Variants in WDR17 observed in about 807,000 individuals in gnomAD.
WDR17 encodes the protein WD repeat-containing protein 17.
Under a neutral mutation model 161.7 loss-of-function variants are expected in WDR17, and 143 were observed. The ratio of observed to expected loss-of-function variants is 0.88; its 90% CI spans 0.77 to 1.02. The LOEUF (loss-of-function observed/expected upper bound fraction) is 1.02, where lower values mean the gene tolerates loss of function less well. Ranked by LOEUF, WDR17 falls within the 50% of genes least tolerant of loss-of-function variation. The probability of loss-of-function intolerance (pLI) is 0.00; values close to 1 mark genes in which losing one functional copy is unlikely to be tolerated. For synonymous variants in WDR17, 517 were observed against 515.6 expected, an observed-to-expected ratio of 1.00 and a Z score of -0.04; for missense variants, 1,469 against 1,520.9, an observed-to-expected ratio of 0.97 and a Z score of 0.57.
At chr4:176,120,302 A>ATATATT (rs1395845396) in intron 4 of WDR17, among the ~76,000 whole-genome samples, 2 of 76,336 alleles carry the variant, frequency 2.6e-5, no homozygotes, top group Non-Finnish European at 5.7e-5. Context: ...ATATATATAT[A>ATATATT]TATATATATA....
chr4:176,173,283 A>T lies in WDR17; in HGVS notation c.3261A>T (p.Ser1087=), dbSNP rs1383384848. 1 of 1,610,530 alleles carries T rather than the reference A, an allele frequency of 6.2e-7. No homozygotes were observed. The highest frequency in any genetic ancestry group is 8.5e-7 in the Non-Finnish European group (1 of 1,178,606). The stretch of plus-strand genomic sequence containing the variant: ...TTTTTCCAGAATACATCAGTAGCTC[A>T]GACTGGACTTTGGATACCATATACC... ...ISFVKEYISS[S]DWTLDTIYPV... The change falls in exon 25 of 29, where the codon TCA becomes TCT. Residue 1087 remains serine (S), a synonymous_variant. Transcript: ENST00000508596.
At chr4:176,130,719 C>A (rs12501440) in intron 6 of WDR17, among the ~76,000 whole-genome samples, 3 of 144,602 alleles carry the variant, frequency 2.1e-5, no homozygotes, top group Admixed American at 7.1e-5. Context: ...CACTCCAGCC[C>A]GGGCAACAGA....
At chr4:176,116,043 A>G in intron 3 of WDR17, 64 bp downstream of exon 3, 4 of 1,444,728 alleles carry the variant, frequency 2.8e-6, no homozygotes, top group Admixed American at 2.3e-5. Flanking sequence ...AGCACTATCA[A>G]TATTATTAGT....
intron 1 of WDR17, chr4:176,098,051 A>G (rs1000467510): frequency 5.3e-5 from 8 of 152,052 alleles, no homozygotes; most frequent in Admixed American, 3.3e-4. Flanking sequence ...TTCCGGCTTA[A>G]GTATTGACCA....
intron 16 of WDR17, 83 bp downstream of exon 16, chr4:176,150,676 A>G: frequency 7.4e-7 from 1 of 1,344,534 alleles, no homozygotes; most frequent in Non-Finnish European, 9.9e-7. Flanking sequence ...TTTTAAAAAT[A>G]TATATGATTA....
chr4:176,100,179 G>A (rs1201176374), intron 1 of WDR17, among the ~76,000 whole-genome samples: 1 of 152,070 alleles, frequency 6.6e-6, no homozygotes, highest in Admixed American at 6.6e-5. Context: ...CATAAAAGGT[G>A]TATTAATTTT....
chr4:176,123,357 C>T lies in WDR17; in HGVS notation c.539-1747C>T, dbSNP rs1013861360. The stretch of plus-strand genomic sequence containing the variant: ...ACCTCTACAGCAGACACTCGCTGAG[C>T]GTCCTCCAATTCAATTCTGACACTA... On this transcript the variant is annotated intron_variant, in intron 4 of 28. Coordinates refer to ENST00000508596, the MANE Select transcript of WDR17 (RefSeq NM_181265.4). Among the ~76,000 whole-genome samples the T allele has an allele frequency of 6.6e-5, 10 of 152,104 alleles. No homozygotes were observed. In the South Asian group the frequency reaches 1.0e-3, roughly 16 times the overall value.
At chr4:176,080,214 CTT>C (rs1332528979) in intron 1 of WDR17, among the ~76,000 whole-genome samples, 1 of 150,900 alleles carries the variant, frequency 6.6e-6, no homozygotes, top group Non-Finnish European at 1.5e-5. Context: ...TTTTTAATAA[CTT>C]AAATTTGAGA....
At chr4:176,121,653 G>A (rs1276428082) in intron 4 of WDR17, among the ~76,000 whole-genome samples, 2 of 151,966 alleles carry the variant, frequency 1.3e-5, no homozygotes, top group African/African-American at 2.4e-5. Context: ...ATTGACTGAG[G>A]TTATCTTTTT....
At chr4:176,168,904 A>C in intron 23 of WDR17, 121 bp downstream of exon 23, 2 of 1,044,468 alleles carry the variant, frequency 1.9e-6, no homozygotes, top group Non-Finnish European at 2.7e-6. Context: ...TGGGGTACCT[A>C]CAAGTACAAC....
chr4:176,161,901 G>A (rs541982917), intron 20 of WDR17, among the ~76,000 whole-genome samples, 174 bp from the exon 21 acceptor site: 5 of 152,206 alleles, frequency 3.3e-5, no homozygotes, highest in East Asian at 1.9e-4. Context: ...TTATCAGACC[G>A]TATACTTGTA....
intron 10 of WDR17, 35 bp downstream of exon 10, chr4:176,140,009 C>T (rs149811550): frequency 7.9e-5 from 121 of 1,522,512 alleles, no homozygotes; most frequent in Admixed American, 1.3e-4. Flanking sequence ...TATGAAATTA[C>T]ACTGTTTATA....
intron 6 of WDR17, among the ~76,000 whole-genome samples, chr4:176,129,363 T>C (rs1364918442): frequency 3.9e-5 from 6 of 152,134 alleles, no homozygotes; most frequent in Non-Finnish European, 7.4e-5. Context: ...CTGTGTCTTC[T>C]TTATTTCTGT....
chr4:176,072,337 G>A (rs1003992245), intron 1 of WDR17, among the ~76,000 whole-genome samples: 2 of 152,144 alleles, frequency 1.3e-5, no homozygotes, highest in African/African-American at 2.4e-5. Flanking sequence ...AAGGCTTGCT[G>A]TGCATTTAAA....
At chr4:176,103,448 T>A (rs1014662904) in intron 1 of WDR17, among the ~76,000 whole-genome samples, 3 of 151,068 alleles carry the variant, frequency 2.0e-5, no homozygotes, top group Middle Eastern at 3.4e-3. Flanking sequence ...GAAAAAAAAA[T>A]AAACAGATGC....
At chr4:176,131,533 T>C in intron 6 of WDR17, 21 bp from the exon 7 acceptor site, 1 of 1,581,850 alleles carries the variant, frequency 6.3e-7, no homozygotes, top group South Asian at 1.2e-5. Flanking sequence ...TCCAATAGGA[T>C]TTTTTTTCTT....
chr4:176,127,165 C>G (rs1742580140), intron 5 of WDR17, among the ~76,000 whole-genome samples: 1 of 152,064 alleles, frequency 6.6e-6, no homozygotes, highest in Non-Finnish European at 1.5e-5. Context: ...TTTTGTTATC[C>G]GTGGGAGGTC....
At chr4:176,157,546 C>A in intron 18 of WDR17, among the ~76,000 whole-genome samples, 1 of 152,014 alleles carries the variant, frequency 6.6e-6, no homozygotes, top group African/African-American at 2.4e-5. Context: ...CCTCACAGCA[C>A]AATTGTGAAT....
intron 1 of WDR17, chr4:176,096,625 T>G (rs748213143): frequency 6.6e-7 from 1 of 1,507,348 alleles, no homozygotes; most frequent in South Asian, 1.2e-5. Context: ...TCCTGCGATT[T>G]TTTTTCTGCT....
Sources: gnomAD v4.1 joint callset for allele counts (sites outside exome capture counted in the v4.1 genomes callset) on GRCh38, gnomAD v4.1.1 for gene constraint, MANE v1.5 for transcripts, NCBI Gene and HGNC (gene_info 2026-07-23, HGNC 2026-07-21) for gene names.